Variants in CCDC30 observed in about 807,000 individuals in gnomAD.
CCDC30 encodes coiled-coil domain-containing protein 30.
CCDC30 carries 70 observed loss-of-function variants against 100.2 expected under a neutral mutation model. The ratio of observed to expected loss-of-function variants is 0.70; its 90% CI spans 0.58 to 0.85. CCDC30 has a LOEUF of 0.85. Ranked by LOEUF, CCDC30 falls within the 40% of genes least tolerant of loss-of-function variation. The probability of loss-of-function intolerance (pLI) is 0.00; values close to 1 mark genes in which losing one functional copy is unlikely to be tolerated. For synonymous variants in CCDC30, 233 were observed against 269.5 expected, an observed-to-expected ratio of 0.86 and a Z score of 1.33; for missense variants, 652 against 771.2, an observed-to-expected ratio of 0.85 and a Z score of 1.83.
At chr1:42,561,853 A>G (rs186254260) in intron 6 of CCDC30, among the ~76,000 whole-genome samples, 2 of 152,278 alleles carry the variant, frequency 1.3e-5, no homozygotes, top group East Asian at 3.9e-4. Flanking sequence ...CCCACTCACA[A>G]TTGCTACAAA....
chr1:42,566,459 A>G (rs1477596359), exon 7 of CCDC30: 1 of 1,613,458 alleles, frequency 6.2e-7, no homozygotes, highest in Non-Finnish European at 8.5e-7. Flanking sequence ...AGCTTACTTC[A>G]GGAAGAAAAC....
intron 12 of CCDC30, among the ~76,000 whole-genome samples, chr1:42,638,611 C>A (rs905286493): frequency 6.7e-6 from 1 of 149,628 alleles, no homozygotes; most frequent in African/African-American, 2.5e-5. Context: ...CGGTGGCTTG[C>A]GCCTGTAATC....
intron 15 of CCDC30, among the ~76,000 whole-genome samples, chr1:42,653,022 CTT>C (rs1285212752): frequency 2.0e-5 from 3 of 152,054 alleles, no homozygotes; most frequent in Non-Finnish European, 1.5e-5. Flanking sequence ...AAAGGGAAAA[CTT>C]TATAGTATGT....
intron 6 of CCDC30, among the ~76,000 whole-genome samples, chr1:42,506,791 T>C (rs893865295): frequency 6.6e-6 from 1 of 152,194 alleles, no homozygotes; most frequent in Non-Finnish European, 1.5e-5. Flanking sequence ...ACACTTGATA[T>C]TATGAAATGG....
At chr1:42,480,833 T>C (rs1643944756) in intron 2 of CCDC30, among the ~76,000 whole-genome samples, 1 of 152,132 alleles carries the variant, frequency 6.6e-6, no homozygotes, top group African/African-American at 2.4e-5. Context: ...AATGTATAGA[T>C]TCATGGCCAG....
intron 3 of CCDC30, among the ~76,000 whole-genome samples, chr1:42,484,421 G>A (rs1220660411): frequency 6.6e-6 from 1 of 152,192 alleles, no homozygotes; most frequent in Admixed American, 6.6e-5. Context: ...AAGGAAAGCA[G>A]GATATTCAGT....
chr1:42,563,160 T>A (rs1645529863), intron 6 of CCDC30, among the ~76,000 whole-genome samples: 1 of 152,162 alleles, frequency 6.6e-6, no homozygotes, highest in Non-Finnish European at 1.5e-5. Context: ...CACACATATG[T>A]TTATTGCAGC....
upstream of CCDC30, among the ~76,000 whole-genome samples, chr1:42,461,987 G>A (rs2148424603): frequency 6.6e-6 from 1 of 152,328 alleles, no homozygotes; most frequent in African/African-American, 2.4e-5. Flanking sequence ...GCTTTATGTG[G>A]ATGATGACTG....
chr1:42,458,513 T>A (rs1210641337), upstream of CCDC30, among the ~76,000 whole-genome samples: 2 of 152,208 alleles, frequency 1.3e-5, no homozygotes, highest in Non-Finnish European at 2.9e-5. Flanking sequence ...AAAAGAAACA[T>A]ACCCTGCCTT....
chr1:42,510,795 G>C (rs1003840148), intron 6 of CCDC30, among the ~76,000 whole-genome samples: 1 of 152,070 alleles, frequency 6.6e-6, no homozygotes, highest in Non-Finnish European at 1.5e-5. Context: ...GGGATCCTCA[G>C]ATGGTTTCCC....
intron 9 of CCDC30, among the ~76,000 whole-genome samples, chr1:42,586,809 T>C (rs1247219205): frequency 6.6e-6 from 1 of 152,158 alleles, no homozygotes; most frequent in African/African-American, 2.4e-5. Context: ...GTTTGCAATT[T>C]AGAAAGAACA....
intron 10 of CCDC30, among the ~76,000 whole-genome samples, chr1:42,598,304 C>T (rs530709505): frequency 1.2e-4 from 18 of 151,472 alleles, no homozygotes; most frequent in African/African-American, 4.4e-4. Flanking sequence ...ATCTCTTGAG[C>T]GAAGGAGTTC....
intron 11 of CCDC30, among the ~76,000 whole-genome samples, chr1:42,618,555 T>C (rs1264054634): frequency 6.6e-6 from 1 of 152,202 alleles, no homozygotes; most frequent in Non-Finnish European, 1.5e-5. Flanking sequence ...TGATATCTTT[T>C]ACCAAACGTT....
downstream of CCDC30, among the ~76,000 whole-genome samples, chr1:42,654,910 A>C (rs1319806482): frequency 6.6e-6 from 1 of 151,266 alleles, no homozygotes; most frequent in Non-Finnish European, 1.5e-5. Flanking sequence ...ACAAGGTTTC[A>C]CCATGTTGGC....
At chr1:42,638,118 G>A (rs1647193983) in intron 12 of CCDC30, among the ~76,000 whole-genome samples, 1 of 152,118 alleles carries the variant, frequency 6.6e-6, no homozygotes, top group Admixed American at 6.5e-5. Context: ...TGGGACCCTA[G>A]GTCAAGAATT....
At chr1:42,457,276 G>C in the CCDC30 span, 1 of 1,614,188 alleles carries the variant, frequency 6.2e-7, no homozygotes, top group African/African-American at 1.3e-5. Flanking sequence ...CCTGGCTGCG[G>C]CTGTGTCAGA....
At chr1:42,480,550 A>C (rs1444033374) in exon 2 of CCDC30, 1 of 942,716 alleles carries the variant, frequency 1.1e-6, no homozygotes, top group Admixed American at 6.2e-5. Flanking sequence ...TGTCCTCCCA[A>C]AATGCTGGAA....
At chr1:42,498,865 A>G in exon 6 of CCDC30, 3 of 1,234,144 alleles carry the variant, frequency 2.4e-6, no homozygotes, top group Non-Finnish European at 2.0e-6. Context: ...AGAATAAGCA[A>G]CTTGGAAACC....
At chr1:42,536,942 A>G in intron 6 of CCDC30, 1 of 355,594 alleles carries the variant, frequency 2.8e-6, no homozygotes, top group Non-Finnish European at 5.3e-6. Flanking sequence ...TTAAGGCCCC[A>G]CCCTTATATC....
Sources: allele counts gnomAD v4.1 joint callset (sites outside exome capture counted in the v4.1 genomes callset), GRCh38; gene constraint gnomAD v4.1.1; transcripts MANE v1.5; gene names NCBI Gene and HGNC (gene_info 2026-07-23, HGNC 2026-07-21).